The following PPP6R2 variants were observed in gnomAD, a reference collection of about 807,000 sequenced individuals.
The protein encoded by PPP6R2 is serine/threonine-protein phosphatase 6 regulatory subunit 2.
In PPP6R2, 62 loss-of-function variants were observed where a neutral mutation model predicts 100.2. The observed-to-expected ratio is 0.62, with a 90% CI of 0.50 to 0.76. PPP6R2 has a LOEUF of 0.76. Among genes scored for constraint, PPP6R2 ranks in the 30% least tolerant of loss-of-function variants. PPP6R2 has a pLI of 0.00. For missense variants in PPP6R2, 1,142 were observed against 1,276.3 expected (o/e 0.89, Z 1.60); for synonymous variants, 525 against 514.7 (o/e 1.02, Z -0.27).
intron 2 of PPP6R2, among the ~76,000 whole-genome samples, chr22:50,387,168 C>T (rs1482999244): frequency 1.3e-5 from 2 of 152,100 alleles, no homozygotes; most frequent in African/African-American, 2.4e-5. Flanking sequence ...TCAAGCGATC[C>T]CCCTGCCTCA....
intron 8 of PPP6R2, among the ~76,000 whole-genome samples, chr22:50,419,966 C>T (rs2061092928): frequency 6.6e-6 from 1 of 152,026 alleles, no homozygotes; most frequent in Admixed American, 6.5e-5. Context: ...GCACTTTTTT[C>T]CCAGGCGACT....
rs145305363 is a variant in PPP6R2 at position 50,432,326 on chromosome 22, C to T, written c.1397C>T (p.Thr466Met). Residue 466 changes from threonine to methionine, a missense_variant, in exon 12 of 24, where the codon ACG becomes ATG. Thr to Met is a moderately conservative substitution (Grantham distance 81). Coordinates refer to ENST00000612753, the MANE Select transcript of PPP6R2 (RefSeq NM_001242898.2). ...ILEAWEANDH[T>M]QAAGGMRRGN... Reference sequence around the variant, plus strand: ...GAGGCCTGGGAAGCCAACGACCACACGCAGTAAGAGCCGCTCGGACGTGGA... The same window carrying T: ...GAGGCCTGGGAAGCCAACGACCACATGCAGTAAGAGCCGCTCGGACGTGGA... 157 of 1,549,058 alleles carry T rather than the reference C, an allele frequency of 1.0e-4. No individual in the cohort carries two copies. In the African/African-American group the frequency reaches 1.7e-3, roughly 17 times the overall value.
At chr22:50,360,870 C>T (rs959082151) in intron 1 of PPP6R2, among the ~76,000 whole-genome samples, 2 of 152,178 alleles carry the variant, frequency 1.3e-5, no homozygotes, top group Non-Finnish European at 2.9e-5. Flanking sequence ...CTCTGCTAGA[C>T]GTCAGGTTCC....
At chr22:50,378,315 C>A (rs1006199661) in intron 2 of PPP6R2, among the ~76,000 whole-genome samples, 6 of 152,052 alleles carry the variant, frequency 3.9e-5, no homozygotes, top group African/African-American at 1.2e-4. Flanking sequence ...AGGCTGGGTG[C>A]GGTGGGTCAC....
At chr22:50,437,805 C>T in intron 16 of PPP6R2, 38 bp from the exon 17 acceptor site, 9 of 1,549,926 alleles carry the variant, frequency 5.8e-6, no homozygotes, top group Non-Finnish European at 7.9e-6. Context: ...AGCAGTGGGC[C>T]TGGAGGAACG....
At chr22:50,366,321 T>C (rs1009522754) in intron 1 of PPP6R2, among the ~76,000 whole-genome samples, 6 of 151,762 alleles carry the variant, frequency 4.0e-5, no homozygotes, top group Non-Finnish European at 7.4e-5. Context: ...CTTTTTTTTT[T>C]TTTTTTTTAA....
chr22:50,434,948 G>C lies in PPP6R2; in HGVS notation c.1401-18G>C, dbSNP rs2063897943. 1 of 1,594,702 alleles carries C rather than the reference G, an allele frequency of 6.3e-7. No homozygotes were observed. Among genetic ancestry groups the C allele is most frequent in the African/African-American group, 1.3e-5 (1 of 74,670 alleles). ...GTCGGGGCCAGGAGGCCGCCCCGAT[G>C]GTGCCTGTTGCTTTCAGGGCAGCGG... On this transcript the variant is annotated intron_variant, in intron 12 of 23. Transcript: ENST00000612753.
At chr22:50,369,811 C>T (rs1469211656) in intron 1 of PPP6R2, among the ~76,000 whole-genome samples, 1 of 151,368 alleles carries the variant, frequency 6.6e-6, no homozygotes, top group Non-Finnish European at 1.5e-5. Context: ...TGACCTTTCA[C>T]TGCAGCCTCG....
At chr22:50,378,716 C>CCA (rs199814599) in intron 2 of PPP6R2, among the ~76,000 whole-genome samples, 10,613 of 82,348 alleles carry the variant, frequency 0.13, 835 homozygotes, top group African/African-American at 0.29. Context: ...CCCATCTCTA[C>CCA]AAAAAAAAAA....
Position 50,419,034 on chromosome 22 carries a change from C to T in PPP6R2, c.731+55C>T, listed in dbSNP as rs1342407687. 4.4e-6 allele frequency: 6 copies of T among 1,369,230 alleles called. No homozygotes were observed. In the Admixed American group the frequency reaches 5.1e-5, roughly 12 times the overall value. The allele number at this position is 1,369,230 out of a possible 1,614,324, so 84.8% of individuals were successfully genotyped here. A position where few individuals can be genotyped will look rare whatever the true frequency, so the allele number is the denominator to read the frequency against. On this transcript the variant is annotated intron_variant, in intron 7 of 23. Coordinates refer to ENST00000612753, the MANE Select transcript of PPP6R2 (RefSeq NM_001242898.2). ...GGCCTCCCTTTCTGGGTCATGGGGACGTCTGTGAGCCTTGCTCTGAGCACC... is the reference window on the plus strand; with the variant it reads ...GGCCTCCCTTTCTGGGTCATGGGGATGTCTGTGAGCCTTGCTCTGAGCACC...
chr22:50,376,483 C>T (rs1250859274), intron 2 of PPP6R2, among the ~76,000 whole-genome samples: 6 of 152,114 alleles, frequency 3.9e-5, no homozygotes, highest in Non-Finnish European at 7.4e-5. Flanking sequence ...AGTACAGTGG[C>T]GTGATCTTGG....
At chr22:50,444,146 G>A (rs2066523955) in intron 23 of PPP6R2, 29 bp downstream of exon 23, 5 of 1,612,178 alleles carry the variant, frequency 3.1e-6, no homozygotes, top group Non-Finnish European at 4.2e-6. Context: ...GGGGTAGGGG[G>A]TGTGGACAGG....
upstream of PPP6R2, among the ~76,000 whole-genome samples, chr22:50,339,074 GTA>G (rs990658747): frequency 3.0e-5 from 4 of 132,716 alleles, no homozygotes; most frequent in African/African-American, 9.1e-5. Context: ...GGTGTATGTG[GTA>G]TGTGGTGTGT....
At chr22:50,358,997 C>G (rs1471846535) in intron 1 of PPP6R2, among the ~76,000 whole-genome samples, 1 of 90,256 alleles carries the variant, frequency 1.1e-5, no homozygotes. Flanking sequence ...ACCGCCCCCC[C>G]CCCCCCCCCA....
chr22:50,338,835 T>G (rs2042334129), upstream of PPP6R2, among the ~76,000 whole-genome samples: 1 of 137,354 alleles, frequency 7.3e-6, no homozygotes, highest in African/African-American at 2.8e-5. Context: ...GGGTGTGTGG[T>G]GTGTGTGTGG....
intron 1 of PPP6R2, among the ~76,000 whole-genome samples, chr22:50,351,268 G>T: frequency 7.6e-6 from 1 of 131,276 alleles, no homozygotes. Context: ...TCAAACTCCT[G>T]ACCTCAAGTG....
In PPP6R2 at chr22:50,352,755, CACAA is replaced by C. The variant is rs1237334419; in HGVS notation, c.-148+9207_-148+9210del. On this transcript the variant is annotated intron_variant, in intron 1 of 23. Coordinates refer to ENST00000612753, the MANE Select transcript of PPP6R2 (RefSeq NM_001242898.2). ...AAAACAAAAACAAAAAAAAAAAACACACAAAACAACAACAACGTAACTTTCTGCA... is the reference window on the plus strand; with the variant it reads ...AAAACAAAAACAAAAAAAAAAAACACAACAACAACAACGTAACTTTCTGCA... Among the ~76,000 whole-genome samples, 7 of 150,230 alleles carry C rather than the reference CACAA, an allele frequency of 4.7e-5. No individual in the cohort carries two copies. In the South Asian group the frequency reaches 1.3e-3, roughly 27 times the overall value.
intron 3 of PPP6R2, among the ~76,000 whole-genome samples, chr22:50,402,425 A>G (rs7284870): frequency 0.34 from 50,771 of 150,902 alleles, 9,480 homozygotes; most frequent in East Asian, 0.74. Flanking sequence ...AGCCATAAGG[A>G]AGGGACATGT....
chr22:50,396,297 C>A (rs1168432868), intron 3 of PPP6R2, among the ~76,000 whole-genome samples: 1 of 150,956 alleles, frequency 6.6e-6, no homozygotes, highest in African/African-American at 2.4e-5. Context: ...GAGTTCGAGA[C>A]CAGCCTGACC....
Sources: allele counts gnomAD v4.1 joint callset (sites outside exome capture counted in the v4.1 genomes callset), GRCh38; gene constraint gnomAD v4.1.1; transcripts MANE v1.5; gene names NCBI Gene and HGNC (gene_info 2026-07-23, HGNC 2026-07-21).